PRKAR1B: variants seen among roughly 807,000 people sequenced by gnomAD.
PRKAR1B encodes the protein cAMP-dependent protein kinase type I-beta regulatory subunit.
Under a neutral mutation model 46.5 loss-of-function variants are expected in PRKAR1B, and 22 were observed. That is an observed-to-expected ratio of 0.47 (90% CI 0.34 to 0.68). The LOEUF is 0.68. Ranked by LOEUF, PRKAR1B falls within the 30% of genes least tolerant of loss-of-function variation. The pLI is 0.01. For synonymous variants in PRKAR1B, 259 were observed against 217.7 expected (o/e 1.19, Z -1.67); for missense variants, 445 against 535.6 (o/e 0.83, Z 1.67).
At chr7:697,502 G>A (rs768519109) in intron 2 of PRKAR1B, among the ~76,000 whole-genome samples, 28 of 152,118 alleles carry the variant, frequency 1.8e-4, no homozygotes, top group Admixed American at 2.6e-4. Flanking sequence ...ACTGCGTGCC[G>A]GGCAGGCATG....
chr7:715,927 G>A (rs1304271193), intron 1 of PRKAR1B, among the ~76,000 whole-genome samples: 2 of 152,278 alleles, frequency 1.3e-5, no homozygotes, highest in South Asian at 2.1e-4. Flanking sequence ...GTGTTAGCCA[G>A]GATGGTCTCG....
At chr7:655,590 A>G (rs1785148523) in intron 4 of PRKAR1B, among the ~76,000 whole-genome samples, 1 of 152,058 alleles carries the variant, frequency 6.6e-6, no homozygotes, top group Admixed American at 6.5e-5. Flanking sequence ...AATTTATTTC[A>G]TTTACTCATT....
At chr7:624,671 G>C (rs920066780) in intron 4 of PRKAR1B, among the ~76,000 whole-genome samples, 3 of 152,190 alleles carry the variant, frequency 2.0e-5, no homozygotes, top group African/African-American at 7.2e-5. Context: ...ACGGAGACTG[G>C]ATGATGGTCA....
chr7:557,224 G>A (rs1038972319), intron 9 of PRKAR1B, among the ~76,000 whole-genome samples: 1 of 152,164 alleles, frequency 6.6e-6, no homozygotes, highest in Admixed American at 6.5e-5. Context: ...TCAGAGCCCA[G>A]CAGACCTGGG....
chr7:716,155 C>G (rs889281239), intron 1 of PRKAR1B, among the ~76,000 whole-genome samples: 10 of 152,022 alleles, frequency 6.6e-5, no homozygotes, highest in African/African-American at 2.4e-4. Context: ...TCAAGCCATC[C>G]TCCCACTTCA....
chr7:696,026 T>A (rs1248728883), intron 2 of PRKAR1B, among the ~76,000 whole-genome samples: 2 of 146,956 alleles, frequency 1.4e-5, no homozygotes, highest in East Asian at 4.0e-4. Flanking sequence ...TGGAGTATAG[T>A]GGCGTGACCA....
intron 4 of PRKAR1B, among the ~76,000 whole-genome samples, chr7:654,202 C>T (rs564889295): frequency 4.0e-5 from 6 of 151,744 alleles, no homozygotes; most frequent in African/African-American, 1.5e-4. Flanking sequence ...TCACCACTAT[C>T]ACCATCATTA....
chr7:682,015 G>T (rs1020131681), intron 2 of PRKAR1B, among the ~76,000 whole-genome samples: 3 of 152,072 alleles, frequency 2.0e-5, no homozygotes, highest in African/African-American at 7.2e-5. Flanking sequence ...CTGCCTCTTT[G>T]GGAAAAGGGT....
At chr7:580,356 C>T (rs945328060) in intron 8 of PRKAR1B, among the ~76,000 whole-genome samples, 1 of 151,828 alleles carries the variant, frequency 6.6e-6, no homozygotes, top group Non-Finnish European at 1.5e-5. Flanking sequence ...GAGTTCGAGA[C>T]CAGCCTGGTC....
At chr7:625,407 T>G (rs1442136638) in intron 4 of PRKAR1B, among the ~76,000 whole-genome samples, 2 of 152,144 alleles carry the variant, frequency 1.3e-5, no homozygotes, top group African/African-American at 4.8e-5. Flanking sequence ...GAATAAAAAT[T>G]AAGACAGAAA....
chr7:552,971 T>A (rs774524912), intron 9 of PRKAR1B, among the ~76,000 whole-genome samples: 1 of 152,230 alleles, frequency 6.6e-6, no homozygotes, highest in Non-Finnish European at 1.5e-5. Flanking sequence ...GTGGGCAGCA[T>A]ATCACAGGGC....
Position 680,742 on chromosome 7 carries a change from A to T in PRKAR1B, c.178-16T>A. On this transcript the variant is annotated splice_polypyrimidine_tract_variant and intron_variant, in intron 2 of 10. Coordinates refer to ENST00000537384, the MANE Select transcript of PRKAR1B (RefSeq NM_001164760.2). Reference sequence around the variant, plus strand: ...TGTTTTCTTCCTGTGTGGGAGAGGAAAACACAGAAAGGAAGTAAGAACCTG... The same window carrying T: ...TGTTTTCTTCCTGTGTGGGAGAGGATAACACAGAAAGGAAGTAAGAACCTG... The T allele has an allele frequency of 1.2e-6, 2 of 1,613,674 alleles. No individual in the cohort carries two copies. The highest frequency in any genetic ancestry group is 1.7e-4 in the Middle Eastern group (1 of 6,050).
At chr7:653,911 C>A (rs572076271) in intron 4 of PRKAR1B, among the ~76,000 whole-genome samples, 2 of 152,028 alleles carry the variant, frequency 1.3e-5, no homozygotes, top group South Asian at 4.2e-4. Context: ...TCATCACCAT[C>A]ACCTTCACCA....
intron 8 of PRKAR1B, 47 bp downstream of exon 8, chr7:584,461 C>A: frequency 1.3e-6 from 2 of 1,566,468 alleles, no homozygotes; most frequent in Non-Finnish European, 1.8e-6. Context: ...GGCCAGCAGG[C>A]GCCCAGATGT....
intron 2 of PRKAR1B, among the ~76,000 whole-genome samples, chr7:681,178 C>T (rs1487170361): frequency 6.6e-6 from 1 of 152,106 alleles, no homozygotes; most frequent in Non-Finnish European, 1.5e-5. Flanking sequence ...TGCTTCCCCC[C>T]TGCTGCCTTC....
chr7:623,875 G>C (rs556508788), intron 4 of PRKAR1B, among the ~76,000 whole-genome samples: 1 of 152,234 alleles, frequency 6.6e-6, no homozygotes, highest in Non-Finnish European at 1.5e-5. Context: ...AACCTATGGA[G>C]TCCCAGAAGG....
At chr7:613,241 GTT>G (rs200434662) in intron 4 of PRKAR1B, among the ~76,000 whole-genome samples, 3 of 136,950 alleles carry the variant, frequency 2.2e-5, no homozygotes, top group African/African-American at 5.4e-5. Context: ...TTTTTCTTTT[GTT>G]TTTTTTTTTT....
intron 4 of PRKAR1B, among the ~76,000 whole-genome samples, chr7:611,370 C>T (rs1426180287): frequency 1.3e-5 from 2 of 152,236 alleles, no homozygotes; most frequent in Admixed American, 6.5e-5. Flanking sequence ...TCTGGGCAGG[C>T]GTCCAGTAAG....
chr7:651,783 C>T (rs1244690054), intron 4 of PRKAR1B, among the ~76,000 whole-genome samples: 1 of 117,220 alleles, frequency 8.5e-6, no homozygotes, highest in African/African-American at 3.5e-5. Context: ...ACAGTTCACA[C>T]CCACACAGCG....
Sources: allele counts gnomAD v4.1 joint callset (sites outside exome capture counted in the v4.1 genomes callset), GRCh38; gene constraint gnomAD v4.1.1; transcripts MANE v1.5; gene names NCBI Gene and HGNC (gene_info 2026-07-23, HGNC 2026-07-21).